Variants in WNT9A observed in about 807,000 individuals in gnomAD.
WNT9A encodes protein Wnt-9a.
Under a neutral mutation model 31.4 loss-of-function variants are expected in WNT9A, and 8 were observed. That is an observed-to-expected ratio of 0.26 (90% CI 0.15 to 0.46). The LOEUF is 0.46. WNT9A is among the 20% of genes least tolerant of loss of function. The pLI is 0.99. For synonymous variants in WNT9A, 236 were observed against 220.1 expected, an observed-to-expected ratio of 1.07 and a Z score of -0.64; for missense variants, 457 against 522.9, an observed-to-expected ratio of 0.87 and a Z score of 1.23.
At chr1:227,922,374 T>A (rs1004771654) in intron 3 of WNT9A, among the ~76,000 whole-genome samples, 3 of 152,194 alleles carry the variant, frequency 2.0e-5, no homozygotes, top group African/African-American at 7.2e-5. Flanking sequence ...GGACTTCACA[T>A]CTGCTCTCAG....
chr1:227,943,837 C>T (rs1398148945), intron 1 of WNT9A, among the ~76,000 whole-genome samples: 1 of 152,110 alleles, frequency 6.6e-6, no homozygotes, highest in African/African-American at 2.4e-5. Flanking sequence ...AAAAAATTAG[C>T]CAGGATTAGT....
intron 1 of WNT9A, among the ~76,000 whole-genome samples, chr1:227,938,840 C>T (rs1666644270): frequency 6.6e-6 from 1 of 152,214 alleles, no homozygotes; most frequent in Non-Finnish European, 1.5e-5. Context: ...TTTGACTCTG[C>T]TACACCGGCA....
rs1159722048 is a variant in WNT9A at position 227,920,531 on chromosome 1, T to C, written c.*987A>G. The C allele has an allele frequency of 6.6e-6, 1 of 152,206 alleles. No homozygotes were observed. The highest frequency in any genetic ancestry group is 2.4e-5 in the African/African-American group (1 of 41,440). The allele number at this position is 152,206 out of a possible 1,614,324, so 9.4% of individuals were successfully genotyped here. On this transcript the variant is annotated 3_prime_UTR_variant, in exon 4 of 4. Transcript: ENST00000272164. Reference sequence around the variant, plus strand: ...AGTGCTCAACGTCAGAGGTCGGCAGTGTCCCCCCGAGCCTGGGCACCCGCA... The same window carrying C: ...AGTGCTCAACGTCAGAGGTCGGCAGCGTCCCCCCGAGCCTGGGCACCCGCA...
At chr1:227,934,607 A>G (rs7541491) in intron 1 of WNT9A, among the ~76,000 whole-genome samples, 10,606 of 152,078 alleles carry the variant, frequency 0.07, 834 homozygotes, top group East Asian at 0.2. Context: ...TCTTCCTTCT[A>G]TTTCCTTTCA....
chr1:227,938,857 T>C (rs1002366585), intron 1 of WNT9A, among the ~76,000 whole-genome samples: 2 of 152,146 alleles, frequency 1.3e-5, no homozygotes, highest in Non-Finnish European at 2.9e-5. Flanking sequence ...GGCAAGAAAC[T>C]GAGGTTCAGG....
At chr1:227,931,573 G>C (rs1301157220) in intron 1 of WNT9A, among the ~76,000 whole-genome samples, 1 of 152,176 alleles carries the variant, frequency 6.6e-6, no homozygotes, top group Non-Finnish European at 1.5e-5. Flanking sequence ...AGATGTTGTA[G>C]CTTTGGTTTC....
In WNT9A at chr1:227,925,327, C is replaced by G. The variant is rs775200910; in HGVS notation, c.288G>C (p.Gln96His). 13 of 1,608,738 alleles carry G rather than the reference C, an allele frequency of 8.1e-6. No homozygotes were observed. Among genetic ancestry groups the G allele is most frequent in the Admixed American group, 6.7e-5 (4 of 59,788 alleles). The part of the protein sequence containing the change: ...VSMSALECQF[Q>H]FRFERWNCTL... Reference sequence around the variant, plus strand: ...TGCAGTTCCAGCGCTCAAAGCGGAACTGGAACTGGCACTCGAGCGCACTCA... The same window carrying G: ...TGCAGTTCCAGCGCTCAAAGCGGAAGTGGAACTGGCACTCGAGCGCACTCA... The change falls in exon 2 of 4, where the codon CAG becomes CAC. Residue 96 changes from glutamine to histidine, a missense_variant. Transcript: ENST00000272164. The surrounding 1 kb of genome is among the most constrained non-coding windows in gnomAD (Gnocchi z 6.0).
chr1:227,931,103 T>A (rs565873606), intron 1 of WNT9A, among the ~76,000 whole-genome samples: 1 of 152,268 alleles, frequency 6.6e-6, no homozygotes, highest in South Asian at 2.1e-4. Flanking sequence ...TCCTTTTTCT[T>A]AGAGGAAGAG....
At chr1:227,937,329 T>C (rs1666612476) in intron 1 of WNT9A, among the ~76,000 whole-genome samples, 1 of 151,908 alleles carries the variant, frequency 6.6e-6, no homozygotes, top group Admixed American at 6.5e-5. Context: ...CCTGGTTAGC[T>C]CTGACCCCGG....
At chr1:227,936,512 T>C (rs2102726683) in intron 1 of WNT9A, among the ~76,000 whole-genome samples, 1 of 152,286 alleles carries the variant, frequency 6.6e-6, no homozygotes, top group South Asian at 2.1e-4. Context: ...TTTTTGTATT[T>C]TTAGTAGAGA....
Position 227,924,381 on chromosome 1 carries a change from G to A in WNT9A, c.372C>T (p.Phe124=), listed in dbSNP as rs1666381670. 2 of 1,611,284 alleles carry A rather than the reference G, an allele frequency of 1.2e-6. No homozygotes were observed. Among genetic ancestry groups the A allele is most frequent in the Non-Finnish European group, 1.7e-6 (2 of 1,177,964 alleles). Residue 124 remains phenylalanine, a synonymous_variant, in exon 3 of 4, where the codon TTC becomes TTT. Transcript: ENST00000272164. ...LLKRGFKETA[F]LYAISSAGLT... is the part of the protein sequence containing the mutation. Reference sequence around the variant, plus strand: ...GGCCAGCCGAGGAGATGGCATAGAGGAAGGCAGTCTCCTTGAAGCCTGGGG... The same window carrying A: ...GGCCAGCCGAGGAGATGGCATAGAGAAAGGCAGTCTCCTTGAAGCCTGGGG...
chr1:227,943,566 C>T (rs544953420), intron 1 of WNT9A, among the ~76,000 whole-genome samples: 6 of 152,202 alleles, frequency 3.9e-5, no homozygotes, highest in East Asian at 1.9e-4. Context: ...AGGATGGCTG[C>T]GGTAGAAAAT....
intron 1 of WNT9A, among the ~76,000 whole-genome samples, chr1:227,930,823 C>T (rs1030450755): frequency 6.6e-6 from 1 of 152,090 alleles, no homozygotes; most frequent in Non-Finnish European, 1.5e-5. Context: ...GAGTTCGAGA[C>T]CAGCCTGGCC....
At position 227,947,784 on chromosome 1, in the gene WNT9A, G is replaced by C. The variant is rs1347855836; in HGVS notation, c.95+9C>G. 2.9e-5 allele frequency: 31 copies of C among 1,083,160 alleles called. No homozygotes were observed. The highest frequency in any genetic ancestry group is 5.3e-5 in the Admixed American group (1 of 19,028). 67.1% of individuals were successfully genotyped at this position (1,083,160 alleles called of 1,614,324 possible). On this transcript the variant is annotated intron_variant, in intron 1 of 3. Transcript: ENST00000272164. ...CCACCAGTGCGCGCCGGCCGCCGAA[G>C]GCACCTACCCGAAGTAGGCGGCCGA... is the stretch of plus-strand genomic sequence containing the variant.
intron 1 of WNT9A, among the ~76,000 whole-genome samples, chr1:227,934,871 T>C (rs1048601860): frequency 3.3e-5 from 5 of 149,786 alleles, no homozygotes; most frequent in African/African-American, 1.2e-4. Flanking sequence ...AAGCTGATCA[T>C]AGTGGGGGCT....
At position 227,921,440 on chromosome 1, in the gene WNT9A, A is replaced by T; in HGVS notation, c.*78T>A. 6.5e-7 allele frequency: 1 copy of T among 1,534,670 alleles called. No homozygotes were observed. Among genetic ancestry groups the T allele is most frequent in the South Asian group, 1.3e-5 (1 of 78,414 alleles). ...CTGGGCTGGTCGAGCCCAGGAACTC[A>T]GCCTGTGCAGGTGTAGACCCTTCAC... On this transcript the variant is annotated 3_prime_UTR_variant, in exon 4 of 4. Coordinates refer to ENST00000272164, the MANE Select transcript of WNT9A (RefSeq NM_003395.4).
At chr1:227,946,850 G>GGCGGCCCGGCTGAGGGA (rs1200618246) in intron 1 of WNT9A, among the ~76,000 whole-genome samples, 1 of 151,948 alleles carries the variant, frequency 6.6e-6, no homozygotes, top group East Asian at 1.9e-4. Context: ...GGCGGAGGGC[G>GGCGGCCCGGCTGAGGGA]GCGGCCCGGC....
At chr1:227,947,282 T>C (rs928651707) in intron 1 of WNT9A, among the ~76,000 whole-genome samples, 5 of 151,714 alleles carry the variant, frequency 3.3e-5, no homozygotes, top group Non-Finnish European at 5.9e-5. Context: ...AATAAATTCC[T>C]CCAGCTTGGA....
intron 2 of WNT9A, among the ~76,000 whole-genome samples, chr1:227,924,765 G>C (rs556842352): frequency 4.0e-4 from 61 of 152,236 alleles, no homozygotes; most frequent in Non-Finnish European, 7.6e-4. Flanking sequence ...ATGCAGTGCA[G>C]TGGCACACAG....
Sources: gnomAD v4.1 joint callset for allele counts (sites outside exome capture counted in the v4.1 genomes callset) on GRCh38, gnomAD v4.1.1 for gene constraint, Gnocchi (gnomAD v3.1) non-coding constraint, MANE v1.5 for transcripts, NCBI Gene and HGNC (gene_info 2026-07-23, HGNC 2026-07-21) for gene names.